The following CRISP1 variants were observed in gnomAD, a reference collection of about 807,000 sequenced individuals.
CRISP1 encodes the protein cysteine-rich secretory protein 1.
In CRISP1, 44 loss-of-function variants were observed where a neutral mutation model predicts 33.1. That is an observed-to-expected ratio of 1.33 (90% confidence interval 1.05 to 1.71). CRISP1 has a LOEUF of 1.71. Ranked by LOEUF, CRISP1 falls within the 40% of genes most tolerant of loss-of-function variation. CRISP1 has a pLI of 0.00. For missense variants in CRISP1, 390 were observed against 301.2 expected (o/e 1.29, Z -2.18); for synonymous variants, 103 against 98.7 (o/e 1.04, Z -0.26).
At chr6:49,850,905 C>G (rs761390158) in intron 3 of CRISP1, among the ~76,000 whole-genome samples, 1 of 152,086 alleles carries the variant, frequency 6.6e-6, no homozygotes. Context: ...GGCCCACTTG[C>G]ATTTTAATCT....
At chr6:49,861,250 G>A (rs1009669395) in intron 1 of CRISP1, among the ~76,000 whole-genome samples, 2 of 152,042 alleles carry the variant, frequency 1.3e-5, no homozygotes, top group African/African-American at 4.8e-5. Context: ...CTAAAAGGCT[G>A]CCATTACTCT....
At chr6:49,837,598 T>TA (rs1770842766) in intron 7 of CRISP1, among the ~76,000 whole-genome samples, 1 of 151,996 alleles carries the variant, frequency 6.6e-6, no homozygotes, top group Admixed American at 6.6e-5. Context: ...GAGAGAAAGG[T>TA]AAAAGGAGGA....
rs545554922 is a variant in CRISP1 at position 49,866,266 on chromosome 6, T to C, written c.-3+163A>G. Among the ~76,000 whole-genome samples, 24 of 152,272 alleles carry C rather than the reference T, an allele frequency of 1.6e-4. No homozygotes were observed. In the South Asian group the frequency reaches 4.3e-3, roughly 28 times the overall value. ...TAGTATATCAGCTTATAAACACCTT[T>C]ATTAAAAGCATGGAGATAACTAACA... On this transcript the variant is annotated intron_variant, in intron 1 of 7. Transcript: ENST00000335847.
intron 5 of CRISP1, 97 bp from the exon 6 acceptor site, chr6:49,841,092 C>T (rs1561939518): frequency 3.5e-6 from 4 of 1,128,408 alleles, no homozygotes; most frequent in Non-Finnish European, 5.1e-6. Context: ...AAACATGTTG[C>T]TTTTAGGTTT....
chr6:49,862,872 AT>A (rs1771692100), intron 1 of CRISP1, among the ~76,000 whole-genome samples: 1 of 152,044 alleles, frequency 6.6e-6, no homozygotes, highest in South Asian at 2.1e-4. Context: ...GAGGTCTAAA[AT>A]AGTCACTTGG....
intron 5 of CRISP1, among the ~76,000 whole-genome samples, chr6:49,845,917 G>A (rs1416324848): frequency 6.6e-6 from 1 of 152,148 alleles, no homozygotes; most frequent in Non-Finnish European, 1.5e-5. Context: ...AAATTTATGA[G>A]GTACTTTGAG....
intron 5 of CRISP1, among the ~76,000 whole-genome samples, chr6:49,845,367 A>G (rs1294534937): frequency 2.0e-5 from 3 of 152,178 alleles, no homozygotes; most frequent in South Asian, 2.1e-4. Flanking sequence ...ACTAGAAACT[A>G]TGCTCTATTA....
At chr6:49,835,552 C>G (rs926670204) in intron 7 of CRISP1, 109 bp from the exon 8 acceptor site, 1 of 1,063,580 alleles carries the variant, frequency 9.4e-7, no homozygotes, top group Admixed American at 2.5e-5. Flanking sequence ...TTAACAATTG[C>G]TAACTAAATT....
upstream of CRISP1, among the ~76,000 whole-genome samples, chr6:49,870,420 AG>A (rs149954609): frequency 0.026 from 4,034 of 152,266 alleles, 90 homozygotes; most frequent in South Asian, 0.11. Flanking sequence ...GGTGAGAGAA[AG>A]CAGGAGTTAT....
chr6:49,857,007 A>G (rs1771513785), intron 2 of CRISP1, among the ~76,000 whole-genome samples: 1 of 152,086 alleles, frequency 6.6e-6, no homozygotes. Flanking sequence ...GCTAATCTGC[A>G]TTCTCAGTTT....
rs1450407897 is a variant in CRISP1 at position 49,846,547 on chromosome 6, A to T, written c.408T>A (p.Asp136Glu). The T allele has an allele frequency of 3.7e-6, 6 of 1,613,504 alleles. No individual in the cohort carries two copies. In the Admixed American group the frequency reaches 8.3e-5, roughly 22 times the overall value. ...FKHGEWTTTDDDITTDHYTQI... is the reference protein window; with the variant it reads ...FKHGEWTTTDEDITTDHYTQI... ...GAGTGTAGTGGTCAGTAGTTATGTCATCATCCGTTGTTGTCCATTCTCCAT... is the reference window on the plus strand; with the variant it reads ...GAGTGTAGTGGTCAGTAGTTATGTCTTCATCCGTTGTTGTCCATTCTCCAT... The change falls in exon 5 of 8, where the codon GAT becomes GAA. Residue 136 changes from aspartate (D) to glutamate (E), a missense_variant. By Grantham distance (45) the Asp-to-Glu change is conservative (BLOSUM62 2). Coordinates refer to ENST00000335847, the MANE Select transcript of CRISP1 (RefSeq NM_001131.3).
Position 49,862,828 on chromosome 6 carries a change from C to A in CRISP1, c.-3+3601G>T, listed in dbSNP as rs1346205455. Among the ~76,000 whole-genome samples, 244 of 142,630 alleles carry A rather than the reference C, an allele frequency of 1.7e-3. 2 individuals are homozygous for A. Among genetic ancestry groups the A allele is most frequent in the South Asian group, 2.4e-3 (11 of 4,490 alleles). The allele number at this position is 142,630 out of a possible 152,430, so 93.6% of individuals were successfully genotyped here. On this transcript the variant is annotated intron_variant, in intron 1 of 7. Coordinates refer to ENST00000335847, the MANE Select transcript of CRISP1 (RefSeq NM_001131.3). ...AGAAAAGAAGCTACAAAAAAAAAAACAAAACAAAACTGGAGGGTCATTTTT... is the reference window on the plus strand; with the variant it reads ...AGAAAAGAAGCTACAAAAAAAAAAAAAAAACAAAACTGGAGGGTCATTTTT...
At position 49,846,595 on chromosome 6, in the gene CRISP1, G is replaced by C; in HGVS notation, c.360C>G (p.Tyr120Ter). The C allele has an allele frequency of 1.2e-6, 2 of 1,613,524 alleles. No individual in the cohort carries two copies. Among genetic ancestry groups the C allele is most frequent in the South Asian group, 2.2e-5 (2 of 91,072 alleles). ...VSWSSVIGVWYSESTSFKHGE... is the reference protein window; with the variant it reads ...VSWSSVIGVW ...CATGTTTGAAACTTGTAGACTCACT[G>C]TACCAGACTCCAATTACACTTGACC... Residue 120 changes from tyrosine (Y) to a stop codon, truncating the protein, a stop_gained, in exon 5 of 8, where the codon TAC becomes TAG. Coordinates refer to ENST00000335847, the MANE Select transcript of CRISP1 (RefSeq NM_001131.3). LOFTEE classifies it high-confidence loss of function.
rs768857326 is a variant in CRISP1, at chr6:49,848,247, T to C, written c.248A>G (p.Asp83Gly). 1.9e-6 allele frequency: 3 copies of C among 1,608,306 alleles called. No homozygotes were observed. The highest frequency in any genetic ancestry group is 1.7e-6 in the Non-Finnish European group (2 of 1,177,620). The change falls in exon 4 of 8, where the codon GAT becomes GGT. Residue 83 changes from aspartate to glycine, a missense_variant. Coordinates refer to ENST00000335847, the MANE Select transcript of CRISP1 (RefSeq NM_001131.3). The part of the protein sequence containing the change: ...QNARIFSKYC[D>G]MTESNPLERR... Reference sequence around the variant, plus strand: ...CTCAAGGGGGTTGCTCTCTGTCATATCACAATACTTTGAAAAAATTCTGGC... The same window carrying C: ...CTCAAGGGGGTTGCTCTCTGTCATACCACAATACTTTGAAAAAATTCTGGC...
rs1172887644 is a variant in CRISP1, at chr6:49,838,287, C to T, written c.622+150G>A. The T allele has an allele frequency of 1.3e-5, 8 of 620,862 alleles. No homozygotes were observed. The East Asian group carries it at 2.2e-4, about 17-fold the overall frequency. The allele number at this position is 620,862 out of a possible 1,614,324, so 38.5% of individuals were successfully genotyped here. On this transcript the variant is annotated intron_variant, in intron 7 of 7. Coordinates refer to ENST00000335847, the MANE Select transcript of CRISP1 (RefSeq NM_001131.3). ...AATCAATGGTTTTCAGTCACTCTGG[C>T]AATTGGGGAGGGGTAAGCAGAAATA...
intron 1 of CRISP1, among the ~76,000 whole-genome samples, chr6:49,863,953 T>A (rs183605831): frequency 2.0e-5 from 3 of 152,330 alleles, no homozygotes; most frequent in Admixed American, 2.0e-4. Context: ...GTCTTAAGTG[T>A]ATAGTTTGAT....
intron 1 of CRISP1, among the ~76,000 whole-genome samples, chr6:49,873,017 T>C (rs1279047593): frequency 6.6e-6 from 1 of 152,094 alleles, no homozygotes; most frequent in African/African-American, 2.4e-5. Context: ...ATGATATTGA[T>C]TCTTCCTACC....
At position 49,840,939 on chromosome 6, in the gene CRISP1, T is replaced by A. The variant is rs1470569267; in HGVS notation, c.492A>T (p.Gln164His). The change falls in exon 6 of 8, where the codon CAA (glutamine) becomes CAT (histidine). Residue 164 changes from glutamine to histidine, a missense_variant. Gln to His is a conservative substitution (Grantham distance 24, BLOSUM62 0). Transcript: ENST00000335847. Reference protein sequence around the residue: ...IGCAIASCRQQGSPRYLYVCH... With the variant: ...IGCAIASCRQHGSPRYLYVCH... ...AAACGTAGAGATATCGAGGTGATCC[T>A]TGTTGGCGGCAAGATGCAATGGCAC... The A allele has an allele frequency of 1.2e-6, 2 of 1,613,986 alleles. No individual in the cohort carries two copies. Among genetic ancestry groups the A allele is most frequent in the Non-Finnish European group, 1.7e-6 (2 of 1,179,910 alleles).
At chr6:49,844,714 C>G (rs1395608741) in intron 5 of CRISP1, among the ~76,000 whole-genome samples, 6 of 152,164 alleles carry the variant, frequency 3.9e-5, no homozygotes, top group Admixed American at 3.9e-4. Context: ...CTTACTATCA[C>G]ATGAAATTTC....
Sources: gnomAD v4.1 joint callset for allele counts (sites outside exome capture counted in the v4.1 genomes callset) on GRCh38, gnomAD v4.1.1 for gene constraint, MANE v1.5 for transcripts, NCBI Gene and HGNC (gene_info 2026-07-23, HGNC 2026-07-21) for gene names.